ADCY2: variants seen among roughly 807,000 people sequenced by gnomAD.
ADCY2 encodes adenylate cyclase type 2.
In ADCY2, 31 loss-of-function variants were observed where a neutral mutation model predicts 125.2. That is an observed-to-expected ratio of 0.25 (90% CI 0.19 to 0.33). The LOEUF (loss-of-function observed/expected upper bound fraction) is 0.33, where lower values mean the gene tolerates loss of function less well. Among genes scored for constraint, ADCY2 ranks in the 10% least tolerant of loss-of-function variants. The probability of loss-of-function intolerance (pLI) is 1.00; values close to 1 mark genes in which losing one functional copy is unlikely to be tolerated. For missense variants in ADCY2, 904 were observed against 1,418.2 expected, an observed-to-expected ratio of 0.64 and a Z score of 5.82; for synonymous variants, 512 against 548.4, an observed-to-expected ratio of 0.93 and a Z score of 0.93.
At chr5:7,718,294 G>C (rs777191697) in intron 12 of ADCY2, among the ~76,000 whole-genome samples, 1 of 151,816 alleles carries the variant, frequency 6.6e-6, no homozygotes, top group Non-Finnish European at 1.5e-5. Context: ...GATTACAGGC[G>C]ATCGCCACCA....
intron 3 of ADCY2, among the ~76,000 whole-genome samples, chr5:7,543,538 A>G (rs908189135): frequency 6.6e-6 from 1 of 152,192 alleles, no homozygotes; most frequent in Non-Finnish European, 1.5e-5. Flanking sequence ...GTTCCCCAAC[A>G]GTTAGTGAGT....
chr5:7,587,260 C>T (rs540453949), intron 3 of ADCY2, among the ~76,000 whole-genome samples: 35 of 152,230 alleles, frequency 2.3e-4, no homozygotes, highest in African/African-American at 6.3e-4. Flanking sequence ...GCTTCCTTCC[C>T]GAGGTGGCGT....
At chr5:7,526,468 T>C (rs557107776) in intron 3 of ADCY2, among the ~76,000 whole-genome samples, 19 of 152,262 alleles carry the variant, frequency 1.2e-4, no homozygotes, top group African/African-American at 4.1e-4. Context: ...TAGAGAAGAA[T>C]TGTAATGTTC....
chr5:7,722,826 GGT>G (rs1410587817), intron 12 of ADCY2, among the ~76,000 whole-genome samples: 2 of 151,894 alleles, frequency 1.3e-5, no homozygotes, highest in African/African-American at 4.8e-5. Flanking sequence ...CGGGCATGCT[GGT>G]GTGCACCTGT....
At position 7,772,324 on chromosome 5, in the gene ADCY2, G is replaced by A. The variant is rs564832022; in HGVS notation, c.2215-608G>A. On this transcript the variant is annotated intron_variant, in intron 17 of 24. Coordinates refer to ENST00000338316, the MANE Select transcript of ADCY2 (RefSeq NM_020546.3). ...GATGGAAGATACCAGCTCGCTGGCC[G>A]CCACTTGGTTCGTCCGCTTTCTTCT... 4.6e-5 allele frequency among the ~76,000 whole-genome samples: 7 copies of A among 152,282 alleles called. No homozygotes were observed. In the East Asian group the frequency reaches 5.8e-4, roughly 13 times the overall value.
intron 2 of ADCY2, among the ~76,000 whole-genome samples, chr5:7,439,372 GTCAGCTCTCATGA>G (rs2126395066): frequency 6.6e-6 from 1 of 152,138 alleles, no homozygotes; most frequent in South Asian, 2.1e-4. Flanking sequence ...TTATAAAACC[GTCAGCTCTCATGA>G]GACTTATTCA....
chr5:7,636,581 G>C (rs1738512396), intron 4 of ADCY2, among the ~76,000 whole-genome samples: 1 of 152,188 alleles, frequency 6.6e-6, no homozygotes, highest in Non-Finnish European at 1.5e-5. Flanking sequence ...TGGAAACTGT[G>C]TCAAACATGA....
At chr5:7,688,294 G>A (rs1434664869) in intron 4 of ADCY2, among the ~76,000 whole-genome samples, 1 of 150,384 alleles carries the variant, frequency 6.6e-6, no homozygotes, top group East Asian at 1.9e-4. Flanking sequence ...TTGAGACAGA[G>A]TCTCACTCTG....
chr5:7,724,530 C>T lies in ADCY2; in HGVS notation c.1704-15C>T, dbSNP rs200169182. On this transcript the variant is annotated splice_polypyrimidine_tract_variant and intron_variant, in intron 12 of 24. Coordinates refer to ENST00000338316, the MANE Select transcript of ADCY2 (RefSeq NM_020546.3). Reference sequence around the variant, plus strand: ...AGATTCAGTTTTATGATGTGTTGGCCCTTTCTATTTCCAGGCAATGGCTCA... The same window carrying T: ...AGATTCAGTTTTATGATGTGTTGGCTCTTTCTATTTCCAGGCAATGGCTCA... 4.4e-5 allele frequency: 71 copies of T among 1,601,174 alleles called. No individual in the cohort carries two copies. The highest frequency in any genetic ancestry group is 1.7e-4 in the Middle Eastern group (1 of 6,058).
intron 2 of ADCY2, among the ~76,000 whole-genome samples, chr5:7,486,717 C>CA (rs143830738): frequency 0.023 from 3,393 of 150,206 alleles, 121 homozygotes; most frequent in African/African-American, 0.079. Flanking sequence ...GAGAAATTTA[C>CA]AAAAAAAGAA....
chr5:7,664,279 G>A (rs919723321), intron 4 of ADCY2, among the ~76,000 whole-genome samples: 1 of 152,002 alleles, frequency 6.6e-6, no homozygotes, highest in Non-Finnish European at 1.5e-5. Context: ...TTTTCTCTCA[G>A]CTGAATTGAA....
chr5:7,584,850 C>T (rs565755781), intron 3 of ADCY2, among the ~76,000 whole-genome samples: 6 of 152,150 alleles, frequency 3.9e-5, no homozygotes, highest in East Asian at 1.9e-4. Context: ...TGCCAAAATG[C>T]GTGAAATGAA....
At chr5:7,771,047 T>C (rs1310173055) in intron 17 of ADCY2, among the ~76,000 whole-genome samples, 1 of 152,236 alleles carries the variant, frequency 6.6e-6, no homozygotes, top group African/African-American at 2.4e-5. Context: ...TGCTGTACTT[T>C]GAGTGGTCTT....
intron 12 of ADCY2, among the ~76,000 whole-genome samples, chr5:7,720,937 G>A (rs1276763729): frequency 6.6e-6 from 1 of 152,266 alleles, no homozygotes; most frequent in African/African-American, 2.4e-5. Flanking sequence ...GGGGCAAATG[G>A]AATTTCTAGT....
At chr5:7,729,896 G>A (rs1198624213) in intron 14 of ADCY2, among the ~76,000 whole-genome samples, 1 of 150,550 alleles carries the variant, frequency 6.6e-6, no homozygotes, top group Non-Finnish European at 1.5e-5. Context: ...TATATTTTTG[G>A]TCAATATCTT....
At chr5:7,646,089 G>A in intron 4 of ADCY2, among the ~76,000 whole-genome samples, 1 of 151,844 alleles carries the variant, frequency 6.6e-6, no homozygotes, top group East Asian at 1.9e-4. Context: ...AAACAAAAAT[G>A]AATTCAAACA....
chr5:7,549,470 G>A (rs561257384), intron 3 of ADCY2, among the ~76,000 whole-genome samples: 15 of 152,320 alleles, frequency 9.8e-5, no homozygotes, highest in Admixed American at 4.6e-4. Flanking sequence ...CCCCGAATAG[G>A]AAGGGGATCA....
At chr5:7,503,838 C>A (rs1052562208) in intron 2 of ADCY2, among the ~76,000 whole-genome samples, 6 of 152,178 alleles carry the variant, frequency 3.9e-5, no homozygotes, top group African/African-American at 1.4e-4. Context: ...AAAGACAAGT[C>A]TTTAACATCA....
At chr5:7,630,731 A>T (rs1199364612) in intron 4 of ADCY2, among the ~76,000 whole-genome samples, 1 of 149,716 alleles carries the variant, frequency 6.7e-6, no homozygotes, top group Non-Finnish European at 1.5e-5. Flanking sequence ...CCTTTCCACC[A>T]TATGTAAAGT....
Sources: gnomAD v4.1 joint callset for allele counts (sites outside exome capture counted in the v4.1 genomes callset) on GRCh38, gnomAD v4.1.1 for gene constraint, MANE v1.5 for transcripts, NCBI Gene and HGNC (gene_info 2026-07-23, HGNC 2026-07-21) for gene names.